ACYP2: variants seen among roughly 807,000 people sequenced by gnomAD.
ACYP2 encodes acylphosphatase 2, also known as acylphosphatase-2.
Under a neutral mutation model 11.2 loss-of-function variants are expected in ACYP2, and 12 were observed. The ratio of observed to expected loss-of-function variants is 1.08; its 90% CI spans 0.69 to 1.74. The LOEUF (loss-of-function observed/expected upper bound fraction) is 1.74, where lower values mean the gene tolerates loss of function less well. ACYP2 is among the 40% of genes most tolerant of loss of function. ACYP2 has a pLI of 0.00. For synonymous variants in ACYP2, 43 were observed against 32.2 expected, an observed-to-expected ratio of 1.33 and a Z score of -1.13; for missense variants, 134 against 101.9, an observed-to-expected ratio of 1.31 and a Z score of -1.35.
At chr2:54,115,460 C>T in intron 4 of ACYP2, 155 bp from the exon 1 acceptor site, 1 of 1,082,860 alleles carries the variant, frequency 9.2e-7, no homozygotes, top group East Asian at 2.8e-5. Context: ...GAAGAGAGGC[C>T]TAGGATGCCT....
intron 6 of ACYP2, among the ~76,000 whole-genome samples, chr2:54,279,089 CA>C: frequency 6.6e-6 from 1 of 152,174 alleles, no homozygotes; most frequent in Admixed American, 6.5e-5. Context: ...TCAACCACAA[CA>C]AAAGTATATT....
intron 6 of ACYP2, among the ~76,000 whole-genome samples, chr2:54,141,037 T>A (rs1313618026): frequency 6.6e-6 from 1 of 152,258 alleles, no homozygotes; most frequent in African/African-American, 2.4e-5. Flanking sequence ...TGCTGTAATT[T>A]GCATTTCTCT....
intron 6 of ACYP2, among the ~76,000 whole-genome samples, chr2:54,161,112 C>T (rs1402843950): frequency 2.0e-5 from 3 of 152,190 alleles, no homozygotes; most frequent in Non-Finnish European, 4.4e-5. Context: ...TTCATAAGCC[C>T]TCCAGGTGAC....
intron 4 of ACYP2, among the ~76,000 whole-genome samples, chr2:54,088,165 G>T (rs186666260): frequency 1.3e-5 from 2 of 152,308 alleles, no homozygotes; most frequent in East Asian, 3.9e-4. Flanking sequence ...AGCCAAAAGC[G>T]TGTTGCTAGG....
At chr2:54,219,821 G>GTGTGTGTATATATATGAGTGTA (rs1553394624) in intron 6 of ACYP2, among the ~76,000 whole-genome samples, 10 of 142,544 alleles carry the variant, frequency 7.0e-5, no homozygotes, top group Admixed American at 2.8e-4. Context: ...TTGTGTATGT[G>GTGTGTGTATATATATGAGTGTA]TGTGTGTATA....
chr2:54,013,839 T>A (rs1057390566), intron 2 of ACYP2, among the ~76,000 whole-genome samples: 19 of 152,084 alleles, frequency 1.2e-4, no homozygotes, highest in African/African-American at 4.3e-4. Flanking sequence ...GGATAACAAT[T>A]TGTGGTTACA....
chr2:54,219,896 T>C (rs1233169522), intron 6 of ACYP2, among the ~76,000 whole-genome samples: 1 of 116,004 alleles, frequency 8.6e-6, no homozygotes, highest in Non-Finnish European at 1.7e-5. Flanking sequence ...TATATATATA[T>C]ATATATATAT....
intron 6 of ACYP2, among the ~76,000 whole-genome samples, chr2:54,164,540 T>G (rs1286206410): frequency 6.6e-6 from 1 of 152,062 alleles, no homozygotes; most frequent in Non-Finnish European, 1.5e-5. Context: ...GGAAATACAG[T>G]AAGGAAGAGA....
chr2:54,184,223 G>C (rs1024914772), intron 6 of ACYP2, among the ~76,000 whole-genome samples: 2 of 152,034 alleles, frequency 1.3e-5, no homozygotes, highest in African/African-American at 4.8e-5. Context: ...AGAACTCAGG[G>C]CCAGACATAC....
intron 6 of ACYP2, among the ~76,000 whole-genome samples, chr2:54,210,738 T>TG (rs1685299091): frequency 6.6e-6 from 1 of 151,970 alleles, no homozygotes; most frequent in Non-Finnish European, 1.5e-5. Flanking sequence ...AGTCTTTTTT[T>TG]TTCAGTAAAA....
At chr2:54,132,179 C>T (rs976468704) in intron 4 of ACYP2, among the ~76,000 whole-genome samples, 11 of 151,068 alleles carry the variant, frequency 7.3e-5, no homozygotes, top group Non-Finnish European at 1.3e-4. Flanking sequence ...TAAAAAGACG[C>T]ACACTTTTGC....
At chr2:54,193,311 TATCTC>T (rs1684315415) in intron 6 of ACYP2, among the ~76,000 whole-genome samples, 1 of 152,242 alleles carries the variant, frequency 6.6e-6, no homozygotes, top group African/African-American at 2.4e-5. Flanking sequence ...ATATCTTTAT[TATCTC>T]ATTTAATTCT....
At chr2:54,068,602 G>T (rs537853572) in intron 4 of ACYP2, among the ~76,000 whole-genome samples, 12 of 152,270 alleles carry the variant, frequency 7.9e-5, no homozygotes, top group African/African-American at 2.9e-4. Context: ...CTTCCCTCCA[G>T]CCTGTTCGAA....
intron 4 of ACYP2, among the ~76,000 whole-genome samples, chr2:54,103,509 G>A (rs1430626279): frequency 6.6e-6 from 1 of 151,952 alleles, no homozygotes; most frequent in East Asian, 1.9e-4. Context: ...TTTTATTCAA[G>A]ATTACTGTTT....
chr2:54,196,835 T>C (rs1684502349), intron 6 of ACYP2, among the ~76,000 whole-genome samples: 3 of 152,252 alleles, frequency 2.0e-5, no homozygotes, highest in Non-Finnish European at 4.4e-5. Flanking sequence ...AATTGCCTGT[T>C]TGATTTCCTG....
chr2:54,188,783 A>G (rs1401555023), intron 6 of ACYP2, among the ~76,000 whole-genome samples: 1 of 152,142 alleles, frequency 6.6e-6, no homozygotes, highest in Non-Finnish European at 1.5e-5. Flanking sequence ...CAGTGTCTTC[A>G]TTTTAACAAG....
At chr2:54,066,265 G>A (rs916731216) in intron 4 of ACYP2, among the ~76,000 whole-genome samples, 2 of 152,116 alleles carry the variant, frequency 1.3e-5, no homozygotes, top group African/African-American at 2.4e-5. Flanking sequence ...GAAGTGCGTG[G>A]TGGATCCTCC....
At chr2:54,188,406 T>A (rs992149529) in intron 6 of ACYP2, among the ~76,000 whole-genome samples, 15 of 152,206 alleles carry the variant, frequency 9.9e-5, no homozygotes, top group Non-Finnish European at 1.9e-4. Context: ...TCATATTTTT[T>A]AAAATGTTTA....
At chr2:54,258,586 C>T (rs1687652898) in intron 6 of ACYP2, among the ~76,000 whole-genome samples, 1 of 152,206 alleles carries the variant, frequency 6.6e-6, no homozygotes, top group African/African-American at 2.4e-5. Flanking sequence ...GTGAATCACT[C>T]TGGCTCCTGG....
Sources: gnomAD v4.1 joint callset for allele counts (sites outside exome capture counted in the v4.1 genomes callset) on GRCh38, gnomAD v4.1.1 for gene constraint, MANE v1.5 for transcripts, NCBI Gene and HGNC (gene_info 2026-07-23, HGNC 2026-07-21) for gene names.